MACC1: variants seen among roughly 807,000 people sequenced by gnomAD.
MACC1 encodes MET transcriptional regulator MACC1.
Under a neutral mutation model 70.7 loss-of-function variants are expected in MACC1, and 79 were observed. The observed-to-expected ratio is 1.12, with a 90% CI of 0.93 to 1.35. The LOEUF is 1.35. Among genes scored for constraint, MACC1 ranks in the 40% most tolerant of loss-of-function variants. The pLI, the probability that MACC1 is intolerant of heterozygous loss-of-function variation, is 0.00. For missense variants in MACC1, 1,106 were observed against 978.1 expected (o/e 1.13, Z -1.74); for synonymous variants, 361 against 347.2 (o/e 1.04, Z -0.44).
At chr7:20,169,600 G>A (rs554683829) in intron 2 of MACC1, among the ~76,000 whole-genome samples, 1 of 152,250 alleles carries the variant, frequency 6.6e-6, no homozygotes, top group Admixed American at 6.5e-5. Context: ...GACCTCACTG[G>A]TTGTCATCAG....
intron 5 of MACC1, among the ~76,000 whole-genome samples, chr7:20,156,579 C>G (rs1317226703): frequency 6.6e-6 from 1 of 152,190 alleles, no homozygotes; most frequent in South Asian, 2.1e-4. Flanking sequence ...GCACACGCAG[C>G]TTCCACCAGG....
chr7:20,185,312 C>T (rs957632382), intron 1 of MACC1, among the ~76,000 whole-genome samples: 4 of 151,978 alleles, frequency 2.6e-5, no homozygotes, highest in African/African-American at 7.3e-5. Flanking sequence ...ATCTATCTTC[C>T]GGTATTCAAA....
At chr7:20,153,723 T>C (rs760940187) in intron 6 of MACC1, among the ~76,000 whole-genome samples, 1 of 152,210 alleles carries the variant, frequency 6.6e-6, no homozygotes, top group Non-Finnish European at 1.5e-5. Flanking sequence ...CAATCTCTCA[T>C]CACCAGTGGC....
chr7:20,217,249 G>A (rs1263822817), intron 1 of MACC1, 50 bp downstream of exon 1: 1 of 152,168 alleles, frequency 6.6e-6, no homozygotes, highest in Admixed American at 6.5e-5. Context: ...CTAGTGTGTA[G>A]CACATATCAA....
intron 1 of MACC1, among the ~76,000 whole-genome samples, chr7:20,202,558 A>G (rs1562601781): frequency 6.6e-6 from 1 of 152,214 alleles, no homozygotes; most frequent in African/African-American, 2.4e-5. Context: ...AAGTAGTAAT[A>G]ATAATAATTG....
chr7:20,214,850 A>C (rs937505004), intron 1 of MACC1, among the ~76,000 whole-genome samples: 1 of 152,156 alleles, frequency 6.6e-6, no homozygotes, highest in African/African-American at 2.4e-5. Flanking sequence ...TAATGTGCGA[A>C]AGTTTGGAAA....
At chr7:20,176,748 AATGAAAGAAACTATTAACACAT>A (rs1782399312) in intron 1 of MACC1, among the ~76,000 whole-genome samples, 1 of 152,160 alleles carries the variant, frequency 6.6e-6, no homozygotes. Flanking sequence ...TCAACCATAA[AATGAAAGAAACTATTAACACAT>A]GCAACAACTT....
At chr7:20,204,104 G>C (rs1452014003) in intron 1 of MACC1, among the ~76,000 whole-genome samples, 1 of 152,066 alleles carries the variant, frequency 6.6e-6, no homozygotes, top group Non-Finnish European at 1.5e-5. Flanking sequence ...TACTATATTT[G>C]GGTACATATT....
At chr7:20,204,910 C>T (rs1782888896) in intron 1 of MACC1, among the ~76,000 whole-genome samples, 1 of 152,108 alleles carries the variant, frequency 6.6e-6, no homozygotes, top group Non-Finnish European at 1.5e-5. Flanking sequence ...AGAGATTGTA[C>T]ATTTTTTAAC....
At chr7:20,206,162 C>T (rs1270441126) in intron 1 of MACC1, among the ~76,000 whole-genome samples, 1 of 151,626 alleles carries the variant, frequency 6.6e-6, no homozygotes, top group Non-Finnish European at 1.5e-5. Flanking sequence ...TTATTATCTC[C>T]TTTCTGGGGT....
At chr7:20,198,197 T>A (rs767964574) in intron 1 of MACC1, among the ~76,000 whole-genome samples, 1 of 151,940 alleles carries the variant, frequency 6.6e-6, no homozygotes, top group African/African-American at 2.4e-5. Flanking sequence ...TGGAGGAGAG[T>A]AGTGGAAAGA....
intron 1 of MACC1, among the ~76,000 whole-genome samples, chr7:20,214,146 G>A (rs1000620346): frequency 1.1e-4 from 17 of 152,140 alleles, no homozygotes; most frequent in Admixed American, 9.2e-4. Context: ...GGAGGAACCC[G>A]CTAAAGTATG....
At position 20,138,415 on chromosome 7, in the gene MACC1, A is replaced by C. The variant is rs1781748882; in HGVS notation, c.*2531T>G. ...TGTCTTCTTAGATCTTGGAGCCTGG[A>C]AAAACCCAGTTATTAATCCCCACTA... is the stretch of plus-strand genomic sequence containing the variant. On this transcript the variant is annotated 3_prime_UTR_variant, in exon 7 of 7. Transcript: ENST00000400331. The C allele has an allele frequency of 6.6e-6, 1 of 152,052 alleles. No homozygotes were observed. The highest frequency in any genetic ancestry group is 2.1e-4 in the South Asian group (1 of 4,834). 9.4% of individuals were successfully genotyped at this position (152,052 alleles called of 1,614,324 possible).
chr7:20,205,163 CAG>C (rs1164068532), intron 1 of MACC1, among the ~76,000 whole-genome samples: 1 of 151,994 alleles, frequency 6.6e-6, no homozygotes, highest in Non-Finnish European at 1.5e-5. Context: ...GATGTCAAAA[CAG>C]ATTAGTTTTT....
At chr7:20,184,370 C>A (rs576304389) in intron 1 of MACC1, among the ~76,000 whole-genome samples, 1 of 152,264 alleles carries the variant, frequency 6.6e-6, no homozygotes, top group East Asian at 1.9e-4. Flanking sequence ...AAAGAATACA[C>A]CAAATCTTAT....
rs1180917536 is a variant in MACC1 at position 20,154,175 on chromosome 7, C to T, written c.2346+18G>A. The T allele has an allele frequency of 4.3e-6, 7 of 1,612,948 alleles. No homozygotes were observed. The Admixed American group carries it at 5.0e-5, about 12-fold the overall frequency. ...TCTGCAACTTTTCACTATTGAATTA[C>T]ACAAACAGAAGTCTTACCTCAACAG... On this transcript the variant is annotated intron_variant, in intron 6 of 6. Transcript: ENST00000400331.
At chr7:20,168,134 CGT>C (rs1782249270) in intron 2 of MACC1, among the ~76,000 whole-genome samples, 1 of 152,074 alleles carries the variant, frequency 6.6e-6, no homozygotes, top group African/African-American at 2.4e-5. Flanking sequence ...TCATTTTACA[CGT>C]GTGTGTGCAT....
At chr7:20,163,347 T>G (rs1218688767) in intron 3 of MACC1, among the ~76,000 whole-genome samples, 1 of 152,208 alleles carries the variant, frequency 6.6e-6, no homozygotes, top group Non-Finnish European at 1.5e-5. Context: ...GTGCAACCAC[T>G]TGGAAGTTAA....
chr7:20,182,039 T>C (rs1418341190), intron 1 of MACC1, among the ~76,000 whole-genome samples: 2 of 151,784 alleles, frequency 1.3e-5, no homozygotes, highest in East Asian at 1.9e-4. Context: ...ATGTCCTTTG[T>C]AGGGACATGG....
Sources: allele counts gnomAD v4.1 joint callset (sites outside exome capture counted in the v4.1 genomes callset), GRCh38; gene constraint gnomAD v4.1.1; transcripts MANE v1.5; gene names NCBI Gene and HGNC (gene_info 2026-07-23, HGNC 2026-07-21).